Variants in NKAIN2 observed in about 807,000 individuals in gnomAD.
NKAIN2 encodes sodium/potassium transporting ATPase interacting 2.
NKAIN2 carries 14 observed loss-of-function variants against 32.6 expected under a neutral mutation model. That is an observed-to-expected ratio of 0.43 (90% CI 0.28 to 0.67). The LOEUF (loss-of-function observed/expected upper bound fraction) is 0.67, where lower values mean the gene tolerates loss of function less well. NKAIN2 is among the 30% of genes least tolerant of loss of function. The pLI, the probability that NKAIN2 is intolerant of heterozygous loss-of-function variation, is 0.17. For synonymous variants in NKAIN2, 80 were observed against 87.2 expected, an observed-to-expected ratio of 0.92 and a Z score of 0.46; for missense variants, 198 against 258.3, an observed-to-expected ratio of 0.77 and a Z score of 1.60.
chr6:123,843,760 C>T (rs574751420), intron 1 of NKAIN2, among the ~76,000 whole-genome samples: 55 of 151,958 alleles, frequency 3.6e-4, no homozygotes, highest in African/African-American at 1.3e-3. Context: ...GGGCTTCTGA[C>T]GGGTGGTGGC....
At chr6:124,007,277 A>G (rs1444281519) in intron 1 of NKAIN2, among the ~76,000 whole-genome samples, 1 of 152,202 alleles carries the variant, frequency 6.6e-6, no homozygotes, top group African/African-American at 2.4e-5. Context: ...TCATTGACCA[A>G]AACATCTTTA....
intron 2 of NKAIN2, among the ~76,000 whole-genome samples, chr6:124,329,857 C>T (rs1352211247): frequency 2.0e-5 from 3 of 152,028 alleles, no homozygotes; most frequent in East Asian, 1.9e-4. Flanking sequence ...TTTCTAAGAT[C>T]GTATGTTGTT....
intron 1 of NKAIN2, among the ~76,000 whole-genome samples, chr6:123,840,693 G>A (rs915178444): frequency 6.6e-6 from 1 of 151,952 alleles, no homozygotes; most frequent in African/African-American, 2.4e-5. Context: ...AAATGAAAAT[G>A]CATTATTCAG....
intron 3 of NKAIN2, among the ~76,000 whole-genome samples, chr6:124,486,236 A>G (rs1001611858): frequency 6.6e-6 from 1 of 152,330 alleles, no homozygotes; most frequent in South Asian, 2.1e-4. Context: ...TGTCTCCTCA[A>G]CAACAGAATG....
intron 3 of NKAIN2, among the ~76,000 whole-genome samples, chr6:124,575,519 CCTTT>C (rs1781298275): frequency 1.3e-5 from 2 of 152,188 alleles, no homozygotes; most frequent in Non-Finnish European, 2.9e-5. Context: ...TTTCCATTTT[CCTTT>C]GAGTCACAAA....
At position 124,394,103 on chromosome 6, in the gene NKAIN2, T is replaced by C. The variant is rs376781630; in HGVS notation, c.273+38756T>C. Among the ~76,000 whole-genome samples the C allele has an allele frequency of 7.0e-4, 107 of 152,296 alleles. 3 individuals are homozygous for C. The South Asian group carries it at 0.022, about 31-fold the overall frequency. ...TTCTGGGTATAATACTTGCATTGTC[T>C]AATATTTTAAGGCCATGTATTTATT... On this transcript the variant is annotated intron_variant, in intron 3 of 6. Transcript: ENST00000368417.
chr6:124,018,699 T>C (rs748357750), intron 1 of NKAIN2, among the ~76,000 whole-genome samples: 1 of 152,152 alleles, frequency 6.6e-6, no homozygotes, highest in Non-Finnish European at 1.5e-5. Flanking sequence ...TCATTGTCCA[T>C]ATGACTATCA....
At chr6:124,504,093 G>A (rs1778388920) in intron 3 of NKAIN2, among the ~76,000 whole-genome samples, 1 of 152,024 alleles carries the variant, frequency 6.6e-6, no homozygotes, top group South Asian at 2.1e-4. Context: ...CCACTTAGGT[G>A]TATATATGTA....
At chr6:124,721,407 A>G (rs1012318799) in intron 4 of NKAIN2, among the ~76,000 whole-genome samples, 6 of 150,736 alleles carry the variant, frequency 4.0e-5, no homozygotes, top group African/African-American at 1.5e-4. Context: ...CCGTCTCAAA[A>G]AAAAAAAAAA....
intron 4 of NKAIN2, among the ~76,000 whole-genome samples, chr6:124,743,970 A>T (rs968239626): frequency 2.6e-5 from 4 of 151,958 alleles, no homozygotes; most frequent in Non-Finnish European, 5.9e-5. Context: ...TCTAATAAAC[A>T]AAATAAAAAC....
chr6:123,821,511 C>T (rs189367429), intron 1 of NKAIN2, among the ~76,000 whole-genome samples: 1 of 152,230 alleles, frequency 6.6e-6, no homozygotes, highest in Admixed American at 6.5e-5. Flanking sequence ...ATCACAAAGC[C>T]GTGCAGCTGC....
At chr6:123,936,259 G>C (rs1437973552) in intron 1 of NKAIN2, among the ~76,000 whole-genome samples, 2 of 152,174 alleles carry the variant, frequency 1.3e-5, no homozygotes, top group African/African-American at 4.8e-5. Context: ...TATAGGAAAA[G>C]AGAAGAGAGC....
At chr6:124,604,363 A>C (rs1782419181) in intron 3 of NKAIN2, among the ~76,000 whole-genome samples, 1 of 152,018 alleles carries the variant, frequency 6.6e-6, no homozygotes, top group Admixed American at 6.6e-5. Flanking sequence ...CTATTTTAAT[A>C]GGTGTCAAAA....
chr6:124,249,299 G>C (rs1245833468), intron 1 of NKAIN2, among the ~76,000 whole-genome samples: 1 of 152,106 alleles, frequency 6.6e-6, no homozygotes, highest in Non-Finnish European at 1.5e-5. Flanking sequence ...CTGTCGAAGT[G>C]AGTGGATTCT....
chr6:124,141,947 T>C (rs1787162815), intron 1 of NKAIN2, among the ~76,000 whole-genome samples: 1 of 152,202 alleles, frequency 6.6e-6, no homozygotes, highest in Admixed American at 6.5e-5. Flanking sequence ...TAAGATATAA[T>C]GAGGCTGTGT....
In NKAIN2 at chr6:124,556,255, A is replaced by G. The variant is rs138160132; in HGVS notation, c.274-101931A>G. Reference sequence around the variant, plus strand: ...ATCTTTCTTTGGAAGATGTATTCATATTATTCTGTGTATATCCTTCTTATC... The same window carrying G: ...ATCTTTCTTTGGAAGATGTATTCATGTTATTCTGTGTATATCCTTCTTATC... On this transcript the variant is annotated intron_variant, in intron 3 of 6. Coordinates refer to ENST00000368417, the MANE Select transcript of NKAIN2 (RefSeq NM_001040214.3). Among the ~76,000 whole-genome samples the G allele has an allele frequency of 5.7e-3, 869 of 152,212 alleles. 12 individuals are homozygous for G. The highest frequency in any genetic ancestry group is 0.02 in the African/African-American group (822 of 41,536).
intron 1 of NKAIN2, among the ~76,000 whole-genome samples, chr6:124,139,607 A>G (rs571197507): frequency 6.6e-6 from 1 of 152,326 alleles, no homozygotes; most frequent in African/African-American, 2.4e-5. Context: ...TAATCTGGAA[A>G]ATAAAACATT....
rs563091162 is a variant in NKAIN2, at chr6:124,441,491, C to T, written c.273+86144C>T. On this transcript the variant is annotated intron_variant, in intron 3 of 6. Coordinates refer to ENST00000368417, the MANE Select transcript of NKAIN2 (RefSeq NM_001040214.3). The stretch of plus-strand genomic sequence containing the variant: ...AGATTAGAAAAGGTGATCCAGTTCT[C>T]GCCTGGCTCTACCTTGCATTTGGGA... Among the ~76,000 whole-genome samples the T allele has an allele frequency of 5.3e-5, 8 of 152,176 alleles. No homozygotes were observed. The South Asian group carries it at 6.2e-4, about 12-fold the overall frequency.
At chr6:123,882,169 G>A (rs1377974208) in intron 1 of NKAIN2, among the ~76,000 whole-genome samples, 1 of 151,724 alleles carries the variant, frequency 6.6e-6, no homozygotes, top group Non-Finnish European at 1.5e-5. Flanking sequence ...TTAAATTTTT[G>A]CACAATAAAA....
Sources: gnomAD v4.1 joint callset for allele counts (sites outside exome capture counted in the v4.1 genomes callset) on GRCh38, gnomAD v4.1.1 for gene constraint, MANE v1.5 for transcripts, NCBI Gene and HGNC (gene_info 2026-07-23, HGNC 2026-07-21) for gene names.